LTBP4: variants seen among roughly 807,000 people sequenced by gnomAD.
LTBP4 encodes the protein latent transforming growth factor beta binding protein 4, also known as latent-transforming growth factor beta-binding protein 4.
In LTBP4, 93 loss-of-function variants were observed where a neutral mutation model predicts 180.2. That is an observed-to-expected ratio of 0.52 (90% CI 0.44 to 0.61). The LOEUF (loss-of-function observed/expected upper bound fraction) is 0.61. Ranked by LOEUF, LTBP4 falls within the 20% of genes least tolerant of loss-of-function variation. The probability of loss-of-function intolerance (pLI) is 0.00; values close to 1 mark genes in which losing one functional copy is unlikely to be tolerated. For synonymous variants in LTBP4, 947 were observed against 934.5 expected (o/e 1.01, Z -0.24); for missense variants, 2,116 against 2,256.5 (o/e 0.94, Z 1.26).
chr19:40,600,636 C>T (rs1264823347), upstream of LTBP4, among the ~76,000 whole-genome samples: 1 of 152,164 alleles, frequency 6.6e-6, no homozygotes, highest in Non-Finnish European at 1.5e-5. The surrounding 1 kb of genome is among the most constrained non-coding windows in gnomAD (Gnocchi z 4.4). Flanking sequence ...GAACACCCCT[C>T]ATCTCAAACA....
At position 40,604,812 on chromosome 19, in the gene LTBP4, G is replaced by A. The variant is rs116157753; in HGVS notation, c.251-223G>A. Among the ~76,000 whole-genome samples, 648 of 152,302 alleles carry A rather than the reference G, an allele frequency of 4.3e-3. 2 individuals are homozygous for A. Among genetic ancestry groups the A allele is most frequent in the African/African-American group, 0.015 (634 of 41,560 alleles). On this transcript the variant is annotated intron_variant, in intron 1 of 29. Transcript: ENST00000396819. ...GCCATAATCACGCTACTGCATTCCA[G>A]CCTGGGCAATAGAGCGAGATCCTGC... is the stretch of plus-strand genomic sequence containing the variant.
At chr19:40,601,684 A>C in intron 1 of LTBP4, 47 bp downstream of exon 1, 3 of 1,290,116 alleles carry the variant, frequency 2.3e-6, no homozygotes, top group Non-Finnish European at 3.0e-6. Context: ...GGGGGGGAGG[A>C]GGATCCCTGG....
At chr19:40,593,762 ATTC>A (rs1480509195) in intron 1 of LTBP4, among the ~76,000 whole-genome samples, 1 of 151,056 alleles carries the variant, frequency 6.6e-6, no homozygotes, top group African/African-American at 2.4e-5. Flanking sequence ...TGGTCATTCT[ATTC>A]TTATTTCATG....
intron 29 of LTBP4, among the ~76,000 whole-genome samples, chr19:40,628,724 G>A (rs1163793375): frequency 2.6e-5 from 4 of 152,176 alleles, no homozygotes; most frequent in East Asian, 1.9e-4. Context: ...AGGCACATGC[G>A]TAAAACGAAT....
rs763161801 is a variant in LTBP4 at position 40,627,865 on chromosome 19, C to T, written c.4519+8C>T. 9.6e-6 allele frequency: 15 copies of T among 1,556,094 alleles called. No individual in the cohort carries two copies. In the Admixed American group the frequency reaches 1.5e-4, roughly 16 times the overall value. ...CCCGCATGGCCTGCGTTGGTGAGGGCGGGCCCGGGGCCAGCATGCGCAGGG... is the reference window on the plus strand; with the variant it reads ...CCCGCATGGCCTGCGTTGGTGAGGGTGGGCCCGGGGCCAGCATGCGCAGGG... On this transcript the variant is annotated splice_region_variant and intron_variant, in intron 29 of 29. Transcript: ENST00000396819.
intron 1 of LTBP4, among the ~76,000 whole-genome samples, chr19:40,594,355 C>G (rs913038905): frequency 2.6e-5 from 4 of 151,716 alleles, no homozygotes; most frequent in Non-Finnish European, 5.9e-5. Flanking sequence ...GACATAGACA[C>G]GATCCTGGGA....
upstream of LTBP4, chr19:40,598,669 T>A (rs1432276644): frequency 5.4e-6 from 1 of 184,270 alleles, no homozygotes; most frequent in Admixed American, 5.4e-5. Flanking sequence ...AGTCCTGGAC[T>A]GTGACTCCCG....
At position 40,616,883 on chromosome 19, in the gene LTBP4, C is replaced by G. The variant is rs2081552650; in HGVS notation, c.2813-6C>G. 2 of 1,613,788 alleles carry G rather than the reference C, an allele frequency of 1.2e-6. No individual in the cohort carries two copies. The highest frequency in any genetic ancestry group is 8.5e-7 in the Non-Finnish European group (1 of 1,179,890). On this transcript the variant is annotated splice_polypyrimidine_tract_variant and splice_region_variant and intron_variant, in intron 19 of 29. Coordinates refer to ENST00000396819, the MANE Select transcript of LTBP4 (RefSeq NM_001042545.2). Reference sequence around the variant, plus strand: ...ACTCCCCTTTCATCTCCTCCACACTCTGCAGATGTGGATGAGTGCCAAGAA... The same window carrying G: ...ACTCCCCTTTCATCTCCTCCACACTGTGCAGATGTGGATGAGTGCCAAGAA...
At chr19:40,606,196 CA>C in intron 4 of LTBP4, 36 bp from the exon 5 acceptor site, 1 of 1,543,806 alleles carries the variant, frequency 6.5e-7, no homozygotes, top group Non-Finnish European at 8.8e-7. Flanking sequence ...TCGCTCTGCC[CA>C]CCTGTCCCTG....
rs1376188740 is a variant in LTBP4, at chr19:40,622,498, G to A, written c.3315G>A (p.Arg1105=). Residue 1105 remains arginine, a synonymous_variant, in exon 23 of 30, where the codon AGG becomes AGA. Transcript: ENST00000396819. The surrounding 1 kb of genome is among the most constrained non-coding windows in gnomAD (Gnocchi z 5.1). ...TGCCCCGCCGACCCAGCACACCTAGGCAGGGCCCTGTGGGGAGTGGGCGCC... is the reference window on the plus strand; with the variant it reads ...TGCCCCGCCGACCCAGCACACCTAGACAGGGCCCTGTGGGGAGTGGGCGCC... ...PPLPRRPSTP[R]QGPVGSGRRE... The A allele has an allele frequency of 6.8e-6, 11 of 1,613,090 alleles. No individual in the cohort carries two copies. Among genetic ancestry groups the A allele is most frequent in the Non-Finnish European group, 8.5e-6 (10 of 1,179,568 alleles).
chr19:40,616,740 CAA>C, intron 19 of LTBP4, 147 bp from the exon 20 acceptor site: 3 of 993,850 alleles, frequency 3.0e-6, no homozygotes, highest in East Asian at 2.6e-5. Context: ...AAAGAAAAAA[CAA>C]AGTTTTCAAC....
In LTBP4 at chr19:40,622,416, C is replaced by T. The variant is rs1159600211; in HGVS notation, c.3233C>T (p.Ser1078Leu). 8.4e-6 allele frequency: 13 copies of T among 1,551,240 alleles called. No individual in the cohort carries two copies. The highest frequency in any genetic ancestry group is 2.4e-5 in the East Asian group (1 of 42,530). ...PRTSAGTFPG[S>L]QPQAPASPVL... Reference sequence around the variant, plus strand: ...GTCTCCCCAGGCACGTTCCCAGGCTCGCAGCCCCAGGCACCTGCTAGCCCC... The same window carrying T: ...GTCTCCCCAGGCACGTTCCCAGGCTTGCAGCCCCAGGCACCTGCTAGCCCC... Residue 1078 changes from serine (S) to leucine (L), a missense_variant, in exon 23 of 30, where the codon TCG (serine) becomes TTG (leucine). Ser to Leu is a moderately radical substitution (Grantham distance 145). Transcript: ENST00000396819. The surrounding 1 kb of genome is among the most constrained non-coding windows in gnomAD (Gnocchi z 5.1).
rs774425426 is a variant in LTBP4, at chr19:40,612,064, GC to G, written c.2180-3del. The G allele has an allele frequency of 1.9e-6, 3 of 1,612,896 alleles. No individual in the cohort carries two copies. The East Asian group carries it at 6.7e-5, about 36-fold the overall frequency. On this transcript the variant is annotated splice_region_variant and splice_polypyrimidine_tract_variant and intron_variant, in intron 14 of 29. Coordinates refer to ENST00000396819, the MANE Select transcript of LTBP4 (RefSeq NM_001042545.2). Reference sequence around the variant, plus strand: ...CTTCTTCAAGGCCACCCTCTCCCCTGCCCCCCAGATGTGGATGAGTGTGAGA... The same window carrying G: ...CTTCTTCAAGGCCACCCTCTCCCCTGCCCCCAGATGTGGATGAGTGTGAGA...
rs2081470997 is a variant in LTBP4 at position 40,607,399 on chromosome 19, C to T, written c.1026C>T (p.Cys342=). ...QHVISEAKGP[C]FRVLRDGGCS... ...TGATCTCAGAGGCCAAAGGGCCCTG[C>T]TTCCGCGTGCTCCGCGACGGCGGCT... Residue 342 remains cysteine (C), a synonymous_variant, in exon 7 of 30, where the codon TGC becomes TGT. Transcript: ENST00000396819. 1 of 1,613,094 alleles carries T rather than the reference C, an allele frequency of 6.2e-7. No individual in the cohort carries two copies. The highest frequency in any genetic ancestry group is 8.5e-7 in the Non-Finnish European group (1 of 1,179,616).
intron 1 of LTBP4, among the ~76,000 whole-genome samples, chr19:40,594,128 GGA>G (rs1183692051): frequency 1.3e-5 from 2 of 151,698 alleles, no homozygotes; most frequent in Admixed American, 6.6e-5. Flanking sequence ...AGAGAGAGAG[GGA>G]GAGAGAGAGG....
chr19:40,604,059 A>G (rs1213560184), intron 1 of LTBP4, among the ~76,000 whole-genome samples: 1 of 152,222 alleles, frequency 6.6e-6, no homozygotes, highest in Non-Finnish European at 1.5e-5. Context: ...AGCCCCAGCC[A>G]GAAAGAAGTT....
At chr19:40,597,367 A>G, upstream of LTBP4, 1 of 1,517,498 alleles carries the variant, frequency 6.6e-7, no homozygotes. Flanking sequence ...GGGGGTCCCC[A>G]GCCGCCCGGC....
chr19:40,616,929 A>C lies in LTBP4; in HGVS notation c.2853A>C (p.Gly951=), dbSNP rs2081553067. 6.2e-7 allele frequency: 1 copy of C among 1,613,974 alleles called. No individual in the cohort carries two copies. The highest frequency in any genetic ancestry group is 8.5e-7 in the Non-Finnish European group (1 of 1,179,874). The change falls in exon 20 of 30, where the codon GGA becomes GGC. Residue 951 remains glycine, a synonymous_variant. Coordinates refer to ENST00000396819, the MANE Select transcript of LTBP4 (RefSeq NM_001042545.2). ...AAGAATATGGTCCCGAGATTTGTGG[A>C]GCCCAGCGTTGTGAGAACACCCCTG... ...ECQEYGPEIC[G]AQRCENTPGS... is the part of the protein sequence containing the mutation.
intron 1 of LTBP4, among the ~76,000 whole-genome samples, chr19:40,595,558 C>G (rs117611016): frequency 0.013 from 1,922 of 152,086 alleles, 15 homozygotes; most frequent in Non-Finnish European, 0.019. Context: ...TTGAATGCTC[C>G]CAAGAGCTTT....
Sources: gnomAD v4.1 joint callset for allele counts (sites outside exome capture counted in the v4.1 genomes callset) on GRCh38, gnomAD v4.1.1 for gene constraint, Gnocchi (gnomAD v3.1) non-coding constraint, MANE v1.5 for transcripts, NCBI Gene and HGNC (gene_info 2026-07-23, HGNC 2026-07-21) for gene names.